The following PHF11 variants were observed in gnomAD, a reference collection of about 807,000 sequenced individuals.
PHF11 encodes the protein PHD finger protein 11, also known as BRCA1 C-terminus-associated protein.
A neutral mutation model predicts 40.5 loss-of-function variants in PHF11; 38 were observed. The ratio of observed to expected loss-of-function variants is 0.94; its 90% confidence interval spans 0.72 to 1.23. The LOEUF (loss-of-function observed/expected upper bound fraction) is 1.23. Among genes scored for constraint, PHF11 ranks in the 50% most tolerant of loss-of-function variants. The pLI is 0.00. For synonymous variants in PHF11, 127 were observed against 138.2 expected, an observed-to-expected ratio of 0.92 and a Z score of 0.57; for missense variants, 369 against 392.4, an observed-to-expected ratio of 0.94 and a Z score of 0.50.
chr13:49,496,481 C>T (rs915317717), intron 1 of PHF11: 6 of 1,004,022 alleles, frequency 6.0e-6, no homozygotes, highest in African/African-American at 5.2e-5. Flanking sequence ...CGCCCTGATG[C>T]GGTGAGGCAG....
chr13:49,499,933 C>T (rs149334067), intron 1 of PHF11, among the ~76,000 whole-genome samples: 19 of 152,310 alleles, frequency 1.2e-4, no homozygotes, highest in East Asian at 9.6e-4. Flanking sequence ...TCCTTGACCA[C>T]GCTTCCTGGC....
At chr13:49,513,296 G>C in intron 3 of PHF11, 130 bp downstream of exon 3, 1 of 512,354 alleles carries the variant, frequency 2.0e-6, no homozygotes. Context: ...AGTAGGAACT[G>C]TATTGGAAAC....
chr13:49,509,461 T>G (rs1594208313), intron 2 of PHF11, among the ~76,000 whole-genome samples: 1 of 152,184 alleles, frequency 6.6e-6, no homozygotes, highest in East Asian at 1.9e-4. Flanking sequence ...TCCACCCACC[T>G]CAGCCTCCCA....
At chr13:49,522,769 T>G (rs1320673677) in intron 6 of PHF11, among the ~76,000 whole-genome samples, 2 of 146,960 alleles carry the variant, frequency 1.4e-5, no homozygotes, top group South Asian at 2.2e-4. Context: ...GTTTTTTTGT[T>G]TTTTTTTTTT....
chr13:49,496,322 G>A, intron 1 of PHF11: 1 of 932,820 alleles, frequency 1.1e-6, no homozygotes, highest in Non-Finnish European at 1.4e-6. Flanking sequence ...CAGTTCCACA[G>A]GTGGCTCTGA....
chr13:49,502,985 A>T (rs753984160), intron 1 of PHF11, among the ~76,000 whole-genome samples: 1 of 151,994 alleles, frequency 6.6e-6, no homozygotes, highest in Non-Finnish European at 1.5e-5. Flanking sequence ...CGGCCTCCCA[A>T]AGTGCAGGGA....
intron 2 of PHF11, among the ~76,000 whole-genome samples, chr13:49,507,329 G>A (rs1959016312): frequency 6.6e-6 from 1 of 152,158 alleles, no homozygotes; most frequent in Non-Finnish European, 1.5e-5. Flanking sequence ...ATCCATGTTG[G>A]TAAACATAGC....
intron 3 of PHF11, among the ~76,000 whole-genome samples, chr13:49,515,473 C>T (rs1182969620): frequency 1.3e-5 from 1 of 76,168 alleles, no homozygotes; most frequent in Non-Finnish European, 2.8e-5. Context: ...CACACACACA[C>T]ACACACACAC....
intron 3 of PHF11, among the ~76,000 whole-genome samples, chr13:49,515,927 C>A (rs184314751): frequency 2.6e-5 from 4 of 152,302 alleles, no homozygotes; most frequent in African/African-American, 9.6e-5. Context: ...CCTGAGACTT[C>A]CCTGTGCCCA....
chr13:49,517,910 G>A (rs1959169115), intron 3 of PHF11, 108 bp from the exon 4 acceptor site: 2 of 642,918 alleles, frequency 3.1e-6, no homozygotes, highest in Admixed American at 3.0e-5. Context: ...ATGATGCCCA[G>A]GATAAAATGC....
chr13:49,506,474 T>G (rs1387362281), intron 1 of PHF11, among the ~76,000 whole-genome samples, 161 bp from the exon 2 acceptor site: 1 of 152,214 alleles, frequency 6.6e-6, no homozygotes, highest in Non-Finnish European at 1.5e-5. Flanking sequence ...AAATAAAAAA[T>G]AAATAGCTTT....
chr13:49,513,895 C>T (rs531712419), intron 3 of PHF11, among the ~76,000 whole-genome samples: 126 of 152,154 alleles, frequency 8.3e-4, no homozygotes, highest in African/African-American at 2.5e-3. Flanking sequence ...ATAGGGTGGC[C>T]GCAGGCAGCA....
Position 49,520,196 on chromosome 13 carries a change from G to A in PHF11, c.459-698G>A, listed in dbSNP as rs374166656. Among the ~76,000 whole-genome samples the A allele has an allele frequency of 2.0e-5, 3 of 152,168 alleles. 1 individual carries two copies. Among genetic ancestry groups the A allele is most frequent in the African/African-American group, 2.4e-5 (1 of 41,516 alleles). On this transcript the variant is annotated intron_variant, in intron 4 of 9. Coordinates refer to ENST00000378319, the MANE Select transcript of PHF11 (RefSeq NM_001040443.3). ...CCTGAGTAGCTGGGTCTACAGGCACGTGCCACCATGCCCAGCTAATTTTTG... is the reference window on the plus strand; with the variant it reads ...CCTGAGTAGCTGGGTCTACAGGCACATGCCACCATGCCCAGCTAATTTTTG...
In PHF11 at chr13:49,508,435, G is replaced by T. The variant is rs555174812; in HGVS notation, c.216+1679G>T. Among the ~76,000 whole-genome samples, 5 of 147,952 alleles carry T rather than the reference G, an allele frequency of 3.4e-5. No homozygotes were observed. The South Asian group carries it at 1.0e-3, about 31-fold the overall frequency. The stretch of plus-strand genomic sequence containing the variant: ...TTTTTCCCATCCATTAACAGAGTCT[G>T]TCTCTCCAATTATTTAGGTCTTTTA... On this transcript the variant is annotated intron_variant, in intron 2 of 9. Transcript: ENST00000378319.
In PHF11 at chr13:49,506,527, C is replaced by T. The variant is rs150658769; in HGVS notation, c.95-108C>T. 33 of 908,966 alleles carry T rather than the reference C, an allele frequency of 3.6e-5. No individual in the cohort carries two copies. The African/African-American group carries it at 4.7e-4, about 13-fold the overall frequency. The allele number at this position is 908,966 out of a possible 1,614,324, so 56.3% of individuals were successfully genotyped here. ...TATTTTGTCTCTCTGGGAATTAAGACTCTCTCATAAAAACAAGTGCCCTGC... is the reference window on the plus strand; with the variant it reads ...TATTTTGTCTCTCTGGGAATTAAGATTCTCTCATAAAAACAAGTGCCCTGC... On this transcript the variant is annotated intron_variant, in intron 1 of 9. Transcript: ENST00000378319.
chr13:49,524,624 G>A (rs1289691893), intron 8 of PHF11, among the ~76,000 whole-genome samples: 2 of 151,986 alleles, frequency 1.3e-5, no homozygotes, highest in Admixed American at 6.6e-5. Context: ...TCAGGCACAC[G>A]CCACTACGCC....
intron 8 of PHF11, among the ~76,000 whole-genome samples, 165 bp downstream of exon 8, chr13:49,524,381 G>A (rs1007480398): frequency 6.7e-6 from 1 of 150,304 alleles, no homozygotes; most frequent in East Asian, 1.9e-4. Flanking sequence ...TTTTGGTTTT[G>A]CCCTATAGAA....
chr13:49,525,928 G>C, intron 8 of PHF11: 1 of 375,066 alleles, frequency 2.7e-6, no homozygotes, highest in Non-Finnish European at 5.2e-6. Context: ...CAGCACTTTG[G>C]GAGCCCGAGG....
At position 49,528,742 on chromosome 13, in the gene PHF11, A is replaced by T; in HGVS notation, c.*77A>T. 1 of 1,044,540 alleles carries T rather than the reference A, an allele frequency of 9.6e-7. No homozygotes were observed. Among genetic ancestry groups the T allele is most frequent in the Non-Finnish European group, 1.4e-6 (1 of 706,524 alleles). The allele number at this position is 1,044,540 out of a possible 1,614,324, so 64.7% of individuals were successfully genotyped here. ...AACCAGAGACCAGGCTGTGAAATCC[A>T]CACATCTTTAGAACTAGTCGTCTCC... On this transcript the variant is annotated 3_prime_UTR_variant, in exon 10 of 10. Coordinates refer to ENST00000378319, the MANE Select transcript of PHF11 (RefSeq NM_001040443.3).
Sources: gnomAD v4.1 joint callset for allele counts (sites outside exome capture counted in the v4.1 genomes callset) on GRCh38, gnomAD v4.1.1 for gene constraint, MANE v1.5 for transcripts, NCBI Gene and HGNC (gene_info 2026-07-23, HGNC 2026-07-21) for gene names.